Variants in FCGRT observed in about 807,000 individuals in gnomAD.
The protein encoded by FCGRT is Fc gamma receptor and transporter, also known as IgG receptor FcRn large subunit p51.
In FCGRT, 13 loss-of-function variants were observed where a neutral mutation model predicts 35.7. The ratio of observed to expected loss-of-function variants is 0.36; its 90% CI spans 0.24 to 0.58. The LOEUF is 0.58. Ranked by LOEUF, FCGRT falls within the 20% of genes least tolerant of loss-of-function variation. The pLI, the probability that FCGRT is intolerant of heterozygous loss-of-function variation, is 0.77. For synonymous variants in FCGRT, 233 were observed against 216.5 expected (o/e 1.08, Z -0.67); for missense variants, 455 against 474.9 (o/e 0.96, Z 0.39).
At chr19:49,521,551 C>CA (rs1350009148) in intron 4 of FCGRT, 1 of 125,518 alleles carries the variant, frequency 8.0e-6, no homozygotes, top group Non-Finnish European at 1.6e-5. Context: ...GCCTGGGCGA[C>CA]AGAGACTCCG....
chr19:49,520,875 TG>T (rs879286440), intron 4 of FCGRT: 15 of 152,352 alleles, frequency 9.8e-5, no homozygotes, highest in Non-Finnish European at 2.1e-4. Context: ...TCTGCCGACT[TG>T]CCAGAGAGGC....
rs530230990 is a variant in FCGRT at position 49,514,288 on chromosome 19, C to T, written c.403C>T (p.Leu135=). 2.9e-5 allele frequency: 47 copies of T among 1,612,368 alleles called. No individual in the cohort carries two copies. The South Asian group carries it at 3.7e-4, about 13-fold the overall frequency. The part of the protein sequence containing the change: ...NTSVPTAKFA[L]NGEEFMNFDL... ...CTCGGTGCCCACCGCCAAGTTCGCC[C>T]TGAACGGCGAGGAGTTCATGAATTT... The change falls in exon 4 of 7, where the codon CTG becomes TTG. Residue 135 remains leucine (L), a synonymous_variant. Coordinates refer to ENST00000221466, the MANE Select transcript of FCGRT (RefSeq NM_001136019.3).
chr19:49,518,348 T>TTTTC (rs1286961210), intron 4 of FCGRT, among the ~76,000 whole-genome samples: 2 of 151,296 alleles, frequency 1.3e-5, no homozygotes, highest in African/African-American at 4.9e-5. Context: ...ATTGTTGAAT[T>TTTTC]TTTCTTTCTT....
chr19:49,513,324 G>A, intron 1 of FCGRT, 63 bp from the exon 2 acceptor site: 1 of 822,224 alleles, frequency 1.2e-6, no homozygotes, highest in Non-Finnish European at 1.7e-6. Context: ...CGTGCCCGCG[G>A]TGTCCCGGGA....
intron 4 of FCGRT, among the ~76,000 whole-genome samples, chr19:49,524,045 G>T (rs1361121426): frequency 2.0e-5 from 3 of 149,242 alleles, no homozygotes; most frequent in Non-Finnish European, 3.0e-5. Context: ...CTGAGACGGG[G>T]TCTCACTCTG....
At position 49,513,471 on chromosome 19, in the gene FCGRT, C is replaced by A. The variant is rs2079985802; in HGVS notation, c.71C>A (p.Ala24Glu). ...TTTCTCCTTCCTGGGAGCCTGGGCG[C>A]AGGTGAGGGCCGCTCCGGGCCAGGG... Reference protein sequence around the residue: ...LLFLLPGSLGAESHLSLLYHL... With the variant: ...LLFLLPGSLGEESHLSLLYHL... Residue 24 changes from alanine (A) to glutamate (E), a missense_variant and splice_region_variant, in exon 2 of 7, where the codon GCA (alanine) becomes GAA (glutamate). Physicochemically the swap from Ala to Glu is moderately radical, Grantham distance 107. Around this residue, in one of 3 missense-constraint regions of FCGRT, gnomAD observed 136 missense variants for 158.9 expected, o/e 0.86. Coordinates refer to ENST00000221466, the MANE Select transcript of FCGRT (RefSeq NM_001136019.3). 23 of 1,242,664 alleles carry A rather than the reference C, an allele frequency of 1.9e-5. No individual in the cohort carries two copies. The highest frequency in any genetic ancestry group is 2.3e-5 in the Non-Finnish European group (23 of 987,840). 77.0% of individuals were successfully genotyped at this position (1,242,664 alleles called of 1,614,324 possible).
chr19:49,513,841 C>A (rs770606840), intron 2 of FCGRT, 41 bp from the exon 3 acceptor site: 2 of 1,489,192 alleles, frequency 1.3e-6, no homozygotes, highest in Admixed American at 4.2e-5. Context: ...CAGTCTAGTT[C>A]CCCGCCCGTG....
intron 4 of FCGRT, chr19:49,516,127 G>C: frequency 2.2e-6 from 1 of 452,684 alleles, no homozygotes; most frequent in Non-Finnish European, 4.4e-6. Flanking sequence ...GCTGGACAAA[G>C]ATAGATACCA....
At chr19:49,515,004 T>C (rs930000641) in intron 4 of FCGRT, among the ~76,000 whole-genome samples, 4 of 151,196 alleles carry the variant, frequency 2.6e-5, no homozygotes, top group African/African-American at 9.8e-5. Flanking sequence ...CCCCTTTTTT[T>C]TTTTTTTGAG....
At chr19:49,518,103 G>A (rs543269765) in intron 4 of FCGRT, among the ~76,000 whole-genome samples, 2 of 152,190 alleles carry the variant, frequency 1.3e-5, no homozygotes, top group South Asian at 2.1e-4. Context: ...GGGAGTCACC[G>A]TGCCCAGCCA....
At chr19:49,524,364 C>A in intron 4 of FCGRT, 143 bp from the exon 5 acceptor site, 1 of 911,510 alleles carries the variant, frequency 1.1e-6, no homozygotes, top group Non-Finnish European at 1.7e-6. Context: ...GTCTCTGTCA[C>A]CTAGGAAGTG....
chr19:49,523,421 C>A (rs2080053734), intron 4 of FCGRT, among the ~76,000 whole-genome samples: 1 of 151,582 alleles, frequency 6.6e-6, no homozygotes, highest in Non-Finnish European at 1.5e-5. Context: ...AAAAAAATTA[C>A]CCGGCATGGT....
Position 49,526,274 on chromosome 19 carries a change from C to G in FCGRT, c.*155C>G. 1.6e-6 allele frequency: 1 copy of G among 615,402 alleles called. No homozygotes were observed. The highest frequency in any genetic ancestry group is 1.9e-5 in the South Asian group (1 of 52,818). 38.1% of individuals were successfully genotyped at this position (615,402 alleles called of 1,614,324 possible). On this transcript the variant is annotated 3_prime_UTR_variant, in exon 7 of 7. Transcript: ENST00000221466. ...CCGTCCTGTGGTCTGCCTCAGTTTC[C>G]CCTCCTAATACATATGGCTGTTTTC...
intron 5 of FCGRT, chr19:49,525,161 CCATGAGA>C (rs2080066752): frequency 3.9e-6 from 2 of 511,902 alleles, no homozygotes; most frequent in South Asian, 3.7e-5. Flanking sequence ...CTGCCCGGGC[CCATGAGA>C]CTGACTTCCC....
intron 4 of FCGRT, among the ~76,000 whole-genome samples, chr19:49,523,568 C>T (rs2080054715): frequency 7.4e-6 from 1 of 134,546 alleles, no homozygotes; most frequent in African/African-American, 2.8e-5. Flanking sequence ...ACTCTTATCT[C>T]AAAAACAAAA....
At position 49,513,934 on chromosome 19, in the gene FCGRT, G is replaced by T. The variant is rs11551281; in HGVS notation, c.126G>T (p.Pro42=). ...TTACCGCGGTGTCCTCGCCTGCCCC[G>T]GGGACTCCTGCCTTCTGGGTGTCCG... ...YHLTAVSSPA[P]GTPAFWVSGW... is the part of the protein sequence containing the mutation. Residue 42 remains proline (P), a synonymous_variant, in exon 3 of 7, where the codon CCG becomes CCT. Coordinates refer to ENST00000221466, the MANE Select transcript of FCGRT (RefSeq NM_001136019.3). The T allele has an allele frequency of 3.5e-3, 5,578 of 1,613,280 alleles. 100 individuals carry two copies. In the East Asian group the frequency reaches 0.042, roughly 12 times the overall value.
chr19:49,519,805 A>G (rs1349600227), intron 4 of FCGRT, among the ~76,000 whole-genome samples: 1 of 147,690 alleles, frequency 6.8e-6, no homozygotes, highest in Non-Finnish European at 1.5e-5. Flanking sequence ...TTTAGCGGAT[A>G]GCAATGGCCA....
chr19:49,514,589 C>T, intron 4 of FCGRT, 103 bp downstream of exon 4: 2 of 1,112,536 alleles, frequency 1.8e-6, no homozygotes, highest in African/African-American at 1.6e-5. Context: ...CCACTGCAGC[C>T]CACGCTCTGC....
chr19:49,525,430 A>T, intron 5 of FCGRT, 27 bp from the exon 6 acceptor site: 1 of 1,562,584 alleles, frequency 6.4e-7, no homozygotes, highest in Non-Finnish European at 8.8e-7. Flanking sequence ...GGGCTGCTCC[A>T]CATCTCACAG....
Sources: allele counts gnomAD v4.1 joint callset (sites outside exome capture counted in the v4.1 genomes callset), GRCh38; gene constraint gnomAD v4.1.1; regional missense constraint gnomAD v4.1.1; transcripts MANE v1.5; gene names NCBI Gene and HGNC (gene_info 2026-07-23, HGNC 2026-07-21).